VPS18: variants seen among roughly 807,000 people sequenced by gnomAD.
The protein encoded by VPS18 is vacuolar protein sorting-associated protein 18 homolog.
A neutral mutation model predicts 82.0 loss-of-function variants in VPS18; 25 were observed. The observed-to-expected ratio is 0.30, with a 90% CI of 0.22 to 0.43. VPS18 has a LOEUF of 0.43. Ranked by LOEUF, VPS18 falls within the 20% of genes least tolerant of loss-of-function variation. VPS18 has a pLI of 1.00. For synonymous variants in VPS18, 523 were observed against 543.0 expected (o/e 0.96, Z 0.51); for missense variants, 1,168 against 1,311.1 (o/e 0.89, Z 1.69).
Position 40,903,160 on chromosome 15 carries a change from G to A in VPS18, c.2741G>A (p.Arg914Gln), listed in dbSNP as rs557207833. The A allele has an allele frequency of 8.1e-6, 13 of 1,605,376 alleles. No individual in the cohort carries two copies. In the South Asian group the frequency reaches 1.0e-4, roughly 12 times the overall value. Reference sequence around the variant, plus strand: ...CCACCCCCAGCCAAGGGCTCTGCCCGGGCCAAGGAGGCCGAGGGTGGGGCT... The same window carrying A: ...CCACCCCCAGCCAAGGGCTCTGCCCAGGCCAAGGAGGCCGAGGGTGGGGCT... ...AAPPPAKGSA[R>Q]AKEAEGGAAT... Residue 914 changes from arginine to glutamine, a missense_variant, in exon 5 of 5, where the codon CGG (arginine) becomes CAG (glutamine). This residue lies in a region of VPS18 where 296 missense variants were observed against 354.0 expected (regional missense o/e 0.84). Transcript: ENST00000220509.
chr15:40,903,105 G>C lies in VPS18; in HGVS notation c.2686G>C (p.Glu896Gln). The change falls in exon 5 of 5, where the codon GAG becomes CAG. Residue 896 changes from glutamate to glutamine, a missense_variant. Coordinates refer to ENST00000220509, the MANE Select transcript of VPS18 (RefSeq NM_020857.3). ...GLPAYKQARL[E>Q]ELQRKLGAAP... ...GCCAGCCTACAAGCAGGCCCGGCTG[G>C]AGGAGCTGCAGAGGAAGCTGGGGGC... 1 of 1,613,424 alleles carries C rather than the reference G, an allele frequency of 6.2e-7. No individual in the cohort carries two copies. Among genetic ancestry groups the C allele is most frequent in the Non-Finnish European group, 8.5e-7 (1 of 1,179,670 alleles).
rs1229041836 is a variant in VPS18 at position 40,894,739 on chromosome 15, C to T, written c.-30C>T. 4.6e-6 allele frequency: 7 copies of T among 1,536,526 alleles called. No individual in the cohort carries two copies. The highest frequency in any genetic ancestry group is 2.4e-5 in the South Asian group (2 of 82,850). Reference sequence around the variant, plus strand: ...GGTAGCCCTTTTGTAATCCCCAGGCCCCGGACAAAGAGCCCAGAGGCCGGG... The same window carrying T: ...GGTAGCCCTTTTGTAATCCCCAGGCTCCGGACAAAGAGCCCAGAGGCCGGG... On this transcript the variant is annotated 5_prime_UTR_variant, in exon 1 of 5. Transcript: ENST00000220509.
At position 40,896,020 on chromosome 15, in the gene VPS18, C is replaced by T. The variant is rs369525466; in HGVS notation, c.174C>T (p.Thr58=). ...ACTTCACCCCTTCCGAGCGCATTACCAGTCTTGTCGTCTCCAGCAATCAGC... is the reference window on the plus strand; with the variant it reads ...ACTTCACCCCTTCCGAGCGCATTACTAGTCTTGTCGTCTCCAGCAATCAGC... ...RIDFTPSERI[T]SLVVSSNQLC... The change falls in exon 2 of 5, where the codon ACC becomes ACT. Residue 58 remains threonine (T), a synonymous_variant. Transcript: ENST00000220509. 65 of 1,614,090 alleles carry T rather than the reference C, an allele frequency of 4.0e-5. 1 individual carries two copies. The highest frequency in any genetic ancestry group is 5.3e-5 in the Non-Finnish European group (62 of 1,180,056).
Position 40,903,225 on chromosome 15 carries a change from C to G in VPS18, c.2806C>G (p.Leu936Val), listed in dbSNP as rs1314164341. ...CAGCCGGGAACAGCTCAAGGCTGAC[C>G]TGGATGAGTTGGTGGCCGCTGAGTG... Reference protein sequence around the residue: ...GPSREQLKADLDELVAAECVY... With the variant: ...GPSREQLKADVDELVAAECVY... The change falls in exon 5 of 5, where the codon CTG (leucine) becomes GTG (valine). Residue 936 changes from leucine (L) to valine (V), a missense_variant. This residue lies in a region of VPS18 where 296 missense variants were observed against 354.0 expected (regional missense o/e 0.84). Transcript: ENST00000220509. The G allele has an allele frequency of 6.2e-7, 1 of 1,611,812 alleles. No individual in the cohort carries two copies. Among genetic ancestry groups the G allele is most frequent in the African/African-American group, 1.3e-5 (1 of 74,884 alleles).
chr15:40,895,947 A>G lies in VPS18; in HGVS notation c.101A>G (p.Asn34Ser). ...CATTCCTTACCTGTAGGGTATGTGA[A>G]TGCCCAGCTGGAGAAGGAAGTGCCC... ...SVGIPHSGYV[N>S]AQLEKEVPIF... Residue 34 changes from asparagine to serine, a missense_variant, in exon 2 of 5, where the codon AAT becomes AGT. Transcript: ENST00000220509. The G allele has an allele frequency of 6.2e-7, 1 of 1,614,180 alleles. No individual in the cohort carries two copies. Among genetic ancestry groups the G allele is most frequent in the Non-Finnish European group, 8.5e-7 (1 of 1,180,036 alleles).
Position 40,899,525 on chromosome 15 carries a change from C to T in VPS18, c.707C>T (p.Ala236Val). ...CTCTTCCAGTTCATAGGCCGAGCAG[C>T]AGAGGGGGCTGAGGCCCAGGGTTTC... ...QRLFQFIGRAAEGAEAQGFSG... is the reference protein window; with the variant it reads ...QRLFQFIGRAVEGAEAQGFSG... The change falls in exon 4 of 5, where the codon GCA becomes GTA. Residue 236 changes from alanine to valine, a missense_variant. By Grantham distance (64) the Ala-to-Val change is moderately conservative (BLOSUM62 0). Around this residue, in one of 3 missense-constraint regions of VPS18, gnomAD observed 868 missense variants for 939.8 expected, o/e 0.92. Transcript: ENST00000220509. This position sits in a 1 kb window ranked among gnomAD's most constrained non-coding sequence, Gnocchi z 4.4. 2 of 1,610,398 alleles carry T rather than the reference C, an allele frequency of 1.2e-6. No homozygotes were observed. Among genetic ancestry groups the T allele is most frequent in the Non-Finnish European group, 1.7e-6 (2 of 1,180,026 alleles).
Position 40,900,286 on chromosome 15 carries a change from C to T in VPS18, c.1468C>T (p.Leu490=), listed in dbSNP as rs1487650003. 1 of 1,613,868 alleles carries T rather than the reference C, an allele frequency of 6.2e-7. No homozygotes were observed. The highest frequency in any genetic ancestry group is 1.3e-5 in the African/African-American group (1 of 75,050). Residue 490 remains leucine, a synonymous_variant, in exon 4 of 5, where the codon CTG becomes TTG. Transcript: ENST00000220509. This position sits in a 1 kb window ranked among gnomAD's most constrained non-coding sequence, Gnocchi z 5.4. ...LKPAERTQAT[L]LTTWLTELYL... Reference sequence around the variant, plus strand: ...GCCAGCCGAACGTACCCAGGCCACACTGCTGACCACCTGGCTGACAGAGCT... The same window carrying T: ...GCCAGCCGAACGTACCCAGGCCACATTGCTGACCACCTGGCTGACAGAGCT...
intron 4 of VPS18, among the ~76,000 whole-genome samples, chr15:40,901,715 G>C (rs760514782): frequency 2.6e-5 from 4 of 152,208 alleles, no homozygotes; most frequent in Non-Finnish European, 4.4e-5. Flanking sequence ...AGACCAGCCT[G>C]GCCAACATGT....
At position 40,900,310 on chromosome 15, in the gene VPS18, C is replaced by A. The variant is rs764604993; in HGVS notation, c.1492C>A (p.Leu498Ile). 6.2e-7 allele frequency: 1 copy of A among 1,613,800 alleles called. No homozygotes were observed. The highest frequency in any genetic ancestry group is 1.1e-5 in the South Asian group (1 of 91,088). Reference protein sequence around the residue: ...ATLLTTWLTELYLSRLGALQG... With the variant: ...ATLLTTWLTEIYLSRLGALQG... Reference sequence around the variant, plus strand: ...ACTGCTGACCACCTGGCTGACAGAGCTCTACCTGAGCCGGCTTGGGGCTCT... The same window carrying A: ...ACTGCTGACCACCTGGCTGACAGAGATCTACCTGAGCCGGCTTGGGGCTCT... Residue 498 changes from leucine (L) to isoleucine (I), a missense_variant, in exon 4 of 5, where the codon CTC (leucine) becomes ATC (isoleucine). This residue lies in a region of VPS18 where 868 missense variants were observed against 939.8 expected (regional missense o/e 0.92). Transcript: ENST00000220509. The surrounding 1 kb of genome is among the most constrained non-coding windows in gnomAD (Gnocchi z 5.4).
At position 40,896,008 on chromosome 15, in the gene VPS18, C is replaced by A. The variant is rs150401975; in HGVS notation, c.162C>A (p.Ser54=). 1.2e-6 allele frequency: 2 copies of A among 1,614,150 alleles called. No homozygotes were observed. Among genetic ancestry groups the A allele is most frequent in the East Asian group, 4.5e-5 (2 of 44,892 alleles). ...FTKQRIDFTP[S]ERITSLVVSS... ...AGCAGCGCATTGACTTCACCCCTTC[C>A]GAGCGCATTACCAGTCTTGTCGTCT... The change falls in exon 2 of 5, where the codon TCC becomes TCA. Residue 54 remains serine (S), a synonymous_variant. Coordinates refer to ENST00000220509, the MANE Select transcript of VPS18 (RefSeq NM_020857.3).
rs537691205 is a variant in VPS18, at chr15:40,900,586, C to T, written c.1768C>T (p.Arg590Cys). Reference sequence around the variant, plus strand: ...GGCCCTGGCCGTGCTCGCCCGCCACCGTGACCCCCAGCTCTTCTACAAGTT... The same window carrying T: ...GGCCCTGGCCGTGCTCGCCCGCCACTGTGACCCCCAGCTCTTCTACAAGTT... Reference protein sequence around the residue: ...EEALAVLARHRDPQLFYKFSP... With the variant: ...EEALAVLARHCDPQLFYKFSP... Residue 590 changes from arginine to cysteine, a missense_variant, in exon 4 of 5, where the codon CGT becomes TGT. Physicochemically the swap from Arg to Cys is radical, Grantham distance 180. Transcript: ENST00000220509. The surrounding 1 kb of genome is among the most constrained non-coding windows in gnomAD (Gnocchi z 5.4). 36 of 1,613,966 alleles carry T rather than the reference C, an allele frequency of 2.2e-5. 1 individual carries two copies. In the South Asian group the frequency reaches 2.7e-4, roughly 12 times the overall value.
intron 2 of VPS18, chr15:40,898,600 A>G: frequency 2.6e-6 from 1 of 391,736 alleles, no homozygotes; most frequent in South Asian, 2.2e-5. Flanking sequence ...CCTCCCAAAT[A>G]GCTGGGACCA....
At chr15:40,895,754 C>T (rs550495224) in intron 1 of VPS18, among the ~76,000 whole-genome samples, 184 bp from the exon 2 acceptor site, 1 of 152,190 alleles carries the variant, frequency 6.6e-6, no homozygotes, top group Non-Finnish European at 1.5e-5. Context: ...GTGGAAAGAG[C>T]TCCAGACCTC....
At position 40,902,226 on chromosome 15, in the gene VPS18, G is replaced by A. The variant is rs62020568; in HGVS notation, c.2197-390G>A. ...CTCCCAGGTTCACGCCATTCTCCTG[G>A]CTCAGCCTCCCGGGTAGCTGGGACT... On this transcript the variant is annotated intron_variant, in intron 4 of 4. Transcript: ENST00000220509. The surrounding 1 kb of genome is among the most constrained non-coding windows in gnomAD (Gnocchi z 4.2). Among the ~76,000 whole-genome samples the A allele has an allele frequency of 0.079, 11,958 of 151,718 alleles. 618 individuals are homozygous for A. Among genetic ancestry groups the A allele is most frequent in the Non-Finnish European group, 0.12 (7,891 of 67,876 alleles).
At position 40,902,056 on chromosome 15, in the gene VPS18, C is replaced by T. The variant is rs1892367429; in HGVS notation, c.2197-560C>T. ...TGAATCAGAATGTCTGGGGGCAGGG[C>T]TCAAAAATTTGTATTTTGAATATGT... On this transcript the variant is annotated intron_variant, in intron 4 of 4. Transcript: ENST00000220509. This position sits in a 1 kb window ranked among gnomAD's most constrained non-coding sequence, Gnocchi z 4.2. Among the ~76,000 whole-genome samples, 1 of 151,866 alleles carries T rather than the reference C, an allele frequency of 6.6e-6. No homozygotes were observed. Among genetic ancestry groups the T allele is most frequent in the South Asian group, 2.1e-4 (1 of 4,812 alleles).
At position 40,899,546 on chromosome 15, in the gene VPS18, G is replaced by C. The variant is rs1216463844; in HGVS notation, c.728G>C (p.Gly243Ala). 1 of 1,608,934 alleles carries C rather than the reference G, an allele frequency of 6.2e-7. No individual in the cohort carries two copies. Among genetic ancestry groups the C allele is most frequent in the Non-Finnish European group, 8.5e-7 (1 of 1,180,022 alleles). The change falls in exon 4 of 5, where the codon GGT becomes GCT. Residue 243 changes from glycine to alanine, a missense_variant. This residue lies in a region of VPS18 where 868 missense variants were observed against 939.8 expected (regional missense o/e 0.92). Coordinates refer to ENST00000220509, the MANE Select transcript of VPS18 (RefSeq NM_020857.3). This position sits in a 1 kb window ranked among gnomAD's most constrained non-coding sequence, Gnocchi z 4.4. ...GCAGCAGAGGGGGCTGAGGCCCAGG[G>C]TTTCTCAGGGCTCTTTGCAGCTTAC... ...GRAAEGAEAQ[G>A]FSGLFAAYTD...
chr15:40,897,857 T>C (rs16971186), intron 2 of VPS18, among the ~76,000 whole-genome samples: 6,227 of 152,326 alleles, frequency 0.041, 200 homozygotes, highest in East Asian at 0.094. Context: ...GTCTGATTCT[T>C]TTTTGAGCAG....
At position 40,903,214 on chromosome 15, in the gene VPS18, T is replaced by G. The variant is rs1221661762; in HGVS notation, c.2795T>G (p.Leu932Arg). 6.2e-7 allele frequency: 1 copy of G among 1,611,926 alleles called. No homozygotes were observed. Among genetic ancestry groups the G allele is most frequent in the South Asian group, 1.1e-5 (1 of 90,920 alleles). ...AATAGPSREQ[L>R]KADLDELVAA... ...ACGGCAGGGCCCAGCCGGGAACAGC[T>G]CAAGGCTGACCTGGATGAGTTGGTG... The change falls in exon 5 of 5, where the codon CTC becomes CGC. Residue 932 changes from leucine (L) to arginine (R), a missense_variant. Coordinates refer to ENST00000220509, the MANE Select transcript of VPS18 (RefSeq NM_020857.3).
chr15:40,900,863 A>C lies in VPS18; in HGVS notation c.2045A>C (p.Tyr682Ser). 1 of 1,614,144 alleles carries C rather than the reference A, an allele frequency of 6.2e-7. No individual in the cohort carries two copies. Among genetic ancestry groups the C allele is most frequent in the Non-Finnish European group, 8.5e-7 (1 of 1,180,034 alleles). ...ARGRPDSLLA[Y>S]LEQAGASPHR... ...GGCCGGCCGGACTCACTACTGGCCT[A>C]TCTGGAGCAGGCTGGGGCCAGCCCC... The change falls in exon 4 of 5, where the codon TAT becomes TCT. Residue 682 changes from tyrosine to serine, a missense_variant. Physicochemically the swap from Tyr to Ser is moderately radical, Grantham distance 144 (BLOSUM62 -2). This residue lies in a region of VPS18 where 868 missense variants were observed against 939.8 expected (regional missense o/e 0.92). Transcript: ENST00000220509. The surrounding 1 kb of genome is among the most constrained non-coding windows in gnomAD (Gnocchi z 5.4).
Sources: allele counts gnomAD v4.1 joint callset (sites outside exome capture counted in the v4.1 genomes callset), GRCh38; gene constraint gnomAD v4.1.1; regional missense constraint gnomAD v4.1.1; non-coding constraint Gnocchi (gnomAD v3.1); transcripts MANE v1.5; gene names NCBI Gene and HGNC (gene_info 2026-07-23, HGNC 2026-07-21).